PRKCH: variants seen among roughly 807,000 people sequenced by gnomAD.
PRKCH encodes protein kinase C eta type.
A neutral mutation model predicts 82.5 loss-of-function variants in PRKCH; 28 were observed. That is an observed-to-expected ratio of 0.34 (90% CI 0.25 to 0.47). The LOEUF is 0.47. PRKCH is among the 20% of genes least tolerant of loss of function. The probability of loss-of-function intolerance (pLI) is 1.00; values close to 1 mark genes in which losing one functional copy is unlikely to be tolerated. For synonymous variants in PRKCH, 322 were observed against 327.4 expected (o/e 0.98, Z 0.18); for missense variants, 705 against 881.8 (o/e 0.80, Z 2.54).
intron 1 of PRKCH, among the ~76,000 whole-genome samples, chr14:61,244,818 G>T (rs1235244685): frequency 6.6e-6 from 1 of 152,122 alleles, no homozygotes; most frequent in Non-Finnish European, 1.5e-5. Context: ...ATATACCCCC[G>T]AATACAACAA....
chr14:61,328,424 A>C (rs1566822663), intron 1 of PRKCH, among the ~76,000 whole-genome samples: 1 of 125,288 alleles, frequency 8.0e-6, no homozygotes, highest in Non-Finnish European at 1.7e-5. Flanking sequence ...TTCACTTATA[A>C]TTTTCACGCC....
chr14:61,409,100 C>G (rs1323984683), intron 2 of PRKCH, among the ~76,000 whole-genome samples: 1 of 152,214 alleles, frequency 6.6e-6, no homozygotes, highest in South Asian at 2.1e-4. Flanking sequence ...CAAGCCACTG[C>G]TTGAGGGTCC....
chr14:61,472,525 C>T (rs1387871523), intron 9 of PRKCH, among the ~76,000 whole-genome samples: 1 of 152,170 alleles, frequency 6.6e-6, no homozygotes, highest in African/African-American at 2.4e-5. Context: ...GGGAGAGCCA[C>T]TTGCTGGCTT....
chr14:61,304,254 T>C (rs1360139434), intron 1 of PRKCH: 1 of 152,204 alleles, frequency 6.6e-6, no homozygotes, highest in South Asian at 2.1e-4. Context: ...ATTGCTGTCA[T>C]GTATTTTACT....
At chr14:61,389,551 G>A (rs1483633939) in intron 1 of PRKCH, among the ~76,000 whole-genome samples, 1 of 151,616 alleles carries the variant, frequency 6.6e-6, no homozygotes, top group East Asian at 1.9e-4. Flanking sequence ...AGATAAGCAG[G>A]CAAGCTGGTT....
At chr14:61,220,525 A>G (rs1373670027) in intron 1 of PRKCH, among the ~76,000 whole-genome samples, 1 of 152,212 alleles carries the variant, frequency 6.6e-6, no homozygotes, top group Non-Finnish European at 1.5e-5. Context: ...ACAGTGAAAA[A>G]CCAGATAAGA....
chr14:61,528,533 T>C (rs1159620856), intron 10 of PRKCH, among the ~76,000 whole-genome samples: 1 of 152,188 alleles, frequency 6.6e-6, no homozygotes, highest in Non-Finnish European at 1.5e-5. Flanking sequence ...CCAGGCATAA[T>C]GGTGAACCGC....
chr14:61,258,276 T>C (rs557969322), intron 1 of PRKCH, among the ~76,000 whole-genome samples: 50 of 152,240 alleles, frequency 3.3e-4, no homozygotes, highest in South Asian at 8.3e-4. Flanking sequence ...GACTCTTAAG[T>C]GAATTAAACA....
intron 12 of PRKCH, 60 bp downstream of exon 12, chr14:61,530,655 T>C: frequency 6.7e-7 from 1 of 1,498,222 alleles, no homozygotes; most frequent in East Asian, 2.3e-5. Context: ...TTTCATGTGC[T>C]GCTTGAGTCT....
Position 61,367,924 on chromosome 14 carries a change from C to G in PRKCH, c.364-23301C>G, listed in dbSNP as rs557164661. ...AGAGACGGGGTTTCACCTTGCTAAC[C>G]AGGATGGTCTCGACCTCCTGACCTC... On this transcript the variant is annotated intron_variant, in intron 1 of 13. Transcript: ENST00000332981. Among the ~76,000 whole-genome samples the G allele has an allele frequency of 3.1e-3, 475 of 151,872 alleles. 5 individuals are homozygous for G. The highest frequency in any genetic ancestry group is 0.011 in the African/African-American group (442 of 41,270).
At chr14:61,416,726 A>G (rs1425006217) in intron 2 of PRKCH, among the ~76,000 whole-genome samples, 1 of 151,694 alleles carries the variant, frequency 6.6e-6, no homozygotes, top group East Asian at 1.9e-4. Context: ...GTAAACTCAC[A>G]TTGTGGCAAC....
At chr14:61,547,712 A>G (rs1228428210) in intron 12 of PRKCH, 31 bp from the exon 13 acceptor site, 1 of 1,602,546 alleles carries the variant, frequency 6.2e-7, no homozygotes, top group African/African-American at 1.3e-5. Flanking sequence ...ATGTGAATGA[A>G]TGATTGACAC....
At chr14:61,396,577 A>G (rs1388317038) in intron 2 of PRKCH, among the ~76,000 whole-genome samples, 3 of 152,236 alleles carry the variant, frequency 2.0e-5, no homozygotes, top group Admixed American at 6.5e-5. Context: ...AGCCCAGTGC[A>G]TAGTGTTGGC....
At chr14:61,537,748 G>A (rs1426941955) in intron 12 of PRKCH, 1 of 152,226 alleles carries the variant, frequency 6.6e-6, no homozygotes. Flanking sequence ...AGTCACCTTT[G>A]TTGACTCTGG....
At chr14:61,393,468 G>A (rs1240630283) in intron 2 of PRKCH, among the ~76,000 whole-genome samples, 10 of 152,160 alleles carry the variant, frequency 6.6e-5, no homozygotes, top group African/African-American at 2.4e-4. Flanking sequence ...CCAGTGTGAG[G>A]TTTCAGTAGA....
chr14:61,483,983 G>A (rs1483269934), intron 9 of PRKCH, among the ~76,000 whole-genome samples: 1 of 152,226 alleles, frequency 6.6e-6, no homozygotes, highest in Non-Finnish European at 1.5e-5. Flanking sequence ...CAAGGCTGCA[G>A]TGAGCCAAGA....
Position 61,280,644 on chromosome 14 carries a change from G to A in PRKCH, c.-19+92976G>A. On this transcript the variant is annotated intron_variant, in intron 1 of 3. Coordinates refer to the PRKCH transcript ENST00000555185. This position sits in a 1 kb window ranked among gnomAD's most constrained non-coding sequence, Gnocchi z 5.0. Reference sequence around the variant, plus strand: ...AAAGCGAGAAGGAGTCGTTGAAGAGGCTGTTGGCGATGGCGCCGCAGGGCG... The same window carrying A: ...AAAGCGAGAAGGAGTCGTTGAAGAGACTGTTGGCGATGGCGCCGCAGGGCG... 6.4e-7 allele frequency: 1 copy of A among 1,572,742 alleles called. No homozygotes were observed.
chr14:61,264,006 A>T (rs1454881010), intron 1 of PRKCH, among the ~76,000 whole-genome samples: 1 of 152,050 alleles, frequency 6.6e-6, no homozygotes, highest in Admixed American at 6.6e-5. Context: ...GCATTGTTTA[A>T]CTGAGTCCTT....
At chr14:61,331,007 T>G (rs1222226051) in intron 1 of PRKCH, among the ~76,000 whole-genome samples, 2 of 152,170 alleles carry the variant, frequency 1.3e-5, no homozygotes, top group African/African-American at 2.4e-5. Flanking sequence ...TTTACGAATC[T>G]GTGTTGGGCT....
Sources: gnomAD v4.1 joint callset for allele counts (sites outside exome capture counted in the v4.1 genomes callset) on GRCh38, gnomAD v4.1.1 for gene constraint, Gnocchi (gnomAD v3.1) non-coding constraint, MANE v1.5 for transcripts, NCBI Gene and HGNC (gene_info 2026-07-23, HGNC 2026-07-21) for gene names.